AKAP19: variants seen among roughly 807,000 people sequenced by gnomAD.
The protein encoded by AKAP19 is small A-kinase anchoring protein.
chr2:189,974,215 C>T, the AKAP19 span, among the ~76,000 whole-genome samples: 141,230 of 152,194 alleles, frequency 0.93, 65,570 homozygotes, highest in East Asian at 0.97. Flanking sequence ...ACATCTTTAT[C>T]TCTGCCCTCA....
chr2:189,985,935 G>T, the AKAP19 span, among the ~76,000 whole-genome samples: 10 of 151,998 alleles, frequency 6.6e-5, no homozygotes, highest in Admixed American at 5.2e-4. Context: ...ATCTACTTGG[G>T]TGTCCTCAAA....
chr2:189,958,828 A>G, the AKAP19 span, among the ~76,000 whole-genome samples: 14 of 152,278 alleles, frequency 9.2e-5, no homozygotes, highest in African/African-American at 3.1e-4. Context: ...CAGCAGTACC[A>G]TGTTGAACAA....
chr2:189,923,379 A>G, the AKAP19 span: 6 of 1,612,470 alleles, frequency 3.7e-6, no homozygotes, highest in East Asian at 2.2e-5. Context: ...CGTTCCATGA[A>G]CTCCCGTGTA....
At chr2:189,898,405 T>C in the AKAP19 span, among the ~76,000 whole-genome samples, 1 of 151,402 alleles carries the variant, frequency 6.6e-6, no homozygotes, top group South Asian at 2.1e-4. Context: ...AAGGCTTCTA[T>C]TTTTTTTTAA....
chr2:189,974,974 A>G, the AKAP19 span, among the ~76,000 whole-genome samples: 1 of 152,156 alleles, frequency 6.6e-6, no homozygotes, highest in African/African-American at 2.4e-5. Flanking sequence ...CATTTAGCCC[A>G]TTTACATTTA....
At chr2:189,917,445 C>A in the AKAP19 span, 1 of 733,726 alleles carries the variant, frequency 1.4e-6, no homozygotes, top group Non-Finnish European at 2.4e-6. Flanking sequence ...TTTTCTAGCT[C>A]GATGTTTTTC....
the AKAP19 span, among the ~76,000 whole-genome samples, chr2:190,047,293 C>T: frequency 1.3e-5 from 2 of 152,140 alleles, no homozygotes; most frequent in South Asian, 4.1e-4. Context: ...TGCCCTTCTT[C>T]CTTCTTCTTT....
the AKAP19 span, among the ~76,000 whole-genome samples, chr2:190,109,748 T>C: frequency 1.3e-5 from 2 of 152,192 alleles, no homozygotes; most frequent in Non-Finnish European, 2.9e-5. Context: ...CTGTCCATTT[T>C]CTTCTAAAGA....
the AKAP19 span, among the ~76,000 whole-genome samples, chr2:190,178,910 G>A: frequency 6.6e-6 from 1 of 152,160 alleles, no homozygotes; most frequent in Admixed American, 6.5e-5. The surrounding 1 kb of genome is among the most constrained non-coding windows in gnomAD (Gnocchi z 6.3). Flanking sequence ...GAACCCAGGG[G>A]TCTCCTAAGG....
the AKAP19 span, among the ~76,000 whole-genome samples, chr2:190,086,246 C>T: frequency 6.6e-6 from 1 of 152,188 alleles, no homozygotes; most frequent in African/African-American, 2.4e-5. Context: ...AATGACAAAA[C>T]ATTCCTTAAA....
the AKAP19 span, among the ~76,000 whole-genome samples, chr2:189,908,614 TTGG>T: frequency 3.9e-5 from 6 of 152,222 alleles, no homozygotes; most frequent in Non-Finnish European, 7.3e-5. Flanking sequence ...CTTTGACTCA[TTGG>T]TTGTTCAGGA....
chr2:190,177,327 T>C, the AKAP19 span, among the ~76,000 whole-genome samples: 3 of 152,216 alleles, frequency 2.0e-5, no homozygotes, highest in Non-Finnish European at 4.4e-5. The surrounding 1 kb of genome is among the most constrained non-coding windows in gnomAD (Gnocchi z 4.6). Flanking sequence ...CTCTCTAGCG[T>C]ACGTGAATTC....
the AKAP19 span, among the ~76,000 whole-genome samples, chr2:190,145,831 A>ATATGTATG: frequency 6.7e-6 from 1 of 148,254 alleles, no homozygotes; most frequent in Non-Finnish European, 1.5e-5. Flanking sequence ...ATATATATGT[A>ATATGTATG]TATGTATGTG....
At chr2:190,091,404 A>T in the AKAP19 span, among the ~76,000 whole-genome samples, 1 of 152,236 alleles carries the variant, frequency 6.6e-6, no homozygotes, top group Non-Finnish European at 1.5e-5. Context: ...TACTTTGATA[A>T]TAACTGAAAG....
chr2:190,081,214 A>AT, the AKAP19 span, among the ~76,000 whole-genome samples: 2 of 97,720 alleles, frequency 2.0e-5, no homozygotes, highest in Non-Finnish European at 4.1e-5. Context: ...CCATCCTCCC[A>AT]TCCCCCCATC....
the AKAP19 span, among the ~76,000 whole-genome samples, chr2:190,170,114 A>G: frequency 2.6e-5 from 4 of 152,198 alleles, no homozygotes; most frequent in East Asian, 1.9e-4. Flanking sequence ...CGACAGCACA[A>G]TTGGGTTCTG....
the AKAP19 span, among the ~76,000 whole-genome samples, chr2:189,995,456 T>G: frequency 3.9e-5 from 6 of 152,348 alleles, no homozygotes; most frequent in Admixed American, 3.9e-4. Flanking sequence ...TTGGTTTCCA[T>G]TTGCATAGAA....
the AKAP19 span, among the ~76,000 whole-genome samples, chr2:189,995,013 T>C: frequency 2.6e-5 from 4 of 152,246 alleles, no homozygotes; most frequent in Non-Finnish European, 5.9e-5. Context: ...ATTTTGATTT[T>C]CTTAAATTGA....
chr2:189,893,633 T>C, the AKAP19 span, among the ~76,000 whole-genome samples: 5 of 152,170 alleles, frequency 3.3e-5, no homozygotes, highest in Non-Finnish European at 1.5e-5. Flanking sequence ...TTGATCTCAC[T>C]GGGAGCTGCA....
Sources: gnomAD v4.1 joint callset for allele counts (sites outside exome capture counted in the v4.1 genomes callset) on GRCh38, gnomAD v4.1.1 for gene constraint, Gnocchi (gnomAD v3.1) non-coding constraint, MANE v1.5 for transcripts, NCBI Gene and HGNC (gene_info 2026-07-23, HGNC 2026-07-21) for gene names.